GALNT15: variants seen among roughly 807,000 people sequenced by gnomAD.
GALNT15 encodes polypeptide N-acetylgalactosaminyltransferase 15.
GALNT15 carries 67 observed loss-of-function variants against 66.8 expected under a neutral mutation model. That is an observed-to-expected ratio of 1.00 (90% CI 0.82 to 1.23). The LOEUF (loss-of-function observed/expected upper bound fraction) is 1.23, where lower values mean the gene tolerates loss of function less well. GALNT15 is among the 50% of genes most tolerant of loss of function. The pLI is 0.00. For missense variants in GALNT15, 827 were observed against 804.3 expected (o/e 1.03, Z -0.34); for synonymous variants, 313 against 311.5 (o/e 1.00, Z -0.05).
At chr3:16,201,391 C>G (rs1335164395) in intron 3 of GALNT15, among the ~76,000 whole-genome samples, 1 of 150,710 alleles carries the variant, frequency 6.6e-6, no homozygotes, top group Admixed American at 6.6e-5. Flanking sequence ...CCGTGTTAGC[C>G]AGGATGGTCT....
Position 16,227,288 on chromosome 3 carries a change from A to T in GALNT15, c.1774-66A>T. Reference sequence around the variant, plus strand: ...TTAATGATTAGCACAAATCTTAAAAATATTTTCTTTTGCTGACTGATTGTG... The same window carrying T: ...TTAATGATTAGCACAAATCTTAAAATTATTTTCTTTTGCTGACTGATTGTG... On this transcript the variant is annotated intron_variant, in intron 9 of 9. Transcript: ENST00000339732. This position sits in a 1 kb window ranked among gnomAD's most constrained non-coding sequence, Gnocchi z 4.5. The T allele has an allele frequency of 6.6e-7, 1 of 1,524,104 alleles. No individual in the cohort carries two copies. Among genetic ancestry groups the T allele is most frequent in the Non-Finnish European group, 8.9e-7 (1 of 1,125,514 alleles). The allele number at this position is 1,524,104 out of a possible 1,614,324, so 94.4% of individuals were successfully genotyped here.
At chr3:16,190,008 A>G (rs368772877) in intron 1 of GALNT15, among the ~76,000 whole-genome samples, 35 of 152,338 alleles carry the variant, frequency 2.3e-4, no homozygotes, top group African/African-American at 8.4e-4. Flanking sequence ...CCTTTTATCC[A>G]CTTGATAAAA....
downstream of GALNT15, among the ~76,000 whole-genome samples, chr3:16,232,437 C>A (rs1441556772): frequency 1.5e-5 from 2 of 129,316 alleles, no homozygotes; most frequent in East Asian, 4.4e-4. Context: ...TAGCCAGTCT[C>A]ATAGCCTGGC....
At chr3:16,213,086 G>T (rs1021216663) in intron 6 of GALNT15, among the ~76,000 whole-genome samples, 2 of 152,100 alleles carry the variant, frequency 1.3e-5, no homozygotes, top group African/African-American at 4.8e-5. Flanking sequence ...TCCAAGGCCA[G>T]GTCTCCTTTC....
At chr3:16,248,158 A>G in the GALNT15 span, among the ~76,000 whole-genome samples, 4 of 152,350 alleles carry the variant, frequency 2.6e-5, no homozygotes, top group African/African-American at 9.6e-5. The surrounding 1 kb of genome is among the most constrained non-coding windows in gnomAD (Gnocchi z 4.9). Context: ...AAACACATGA[A>G]AAGTTATTCT....
chr3:16,188,060 G>A lies in GALNT15; in HGVS notation c.540-7700G>A, dbSNP rs1347694922. On this transcript the variant is annotated intron_variant, in intron 1 of 9. Coordinates refer to ENST00000339732, the MANE Select transcript of GALNT15 (RefSeq NM_054110.5). This position sits in a 1 kb window ranked among gnomAD's most constrained non-coding sequence, Gnocchi z 4.6. ...CCCTTATCTCCATTCCCTCAAGGGG[G>A]ATTCAGAGGTCTGAGCCTGATGGAA... Among the ~76,000 whole-genome samples, 1 of 152,248 alleles carries A rather than the reference G, an allele frequency of 6.6e-6. No individual in the cohort carries two copies. The highest frequency in any genetic ancestry group is 1.5e-5 in the Non-Finnish European group (1 of 68,046).
downstream of GALNT15, chr3:16,231,892 C>T: frequency 6.5e-7 from 1 of 1,535,862 alleles, no homozygotes; most frequent in Non-Finnish European, 8.7e-7. This position sits in a 1 kb window ranked among gnomAD's most constrained non-coding sequence, Gnocchi z 4.1. Flanking sequence ...TTGCTTCATT[C>T]AGAGATCCTC....
At chr3:16,212,885 C>A in intron 6 of GALNT15, 122 bp downstream of exon 6, 1 of 805,986 alleles carries the variant, frequency 1.2e-6, no homozygotes, top group Non-Finnish European at 1.9e-6. Flanking sequence ...TTGAGCTTCC[C>A]TCATGCTGCC....
intron 9 of GALNT15, among the ~76,000 whole-genome samples, chr3:16,223,561 G>A (rs1473789548): frequency 6.6e-6 from 1 of 152,194 alleles, no homozygotes; most frequent in Non-Finnish European, 1.5e-5. Flanking sequence ...AAAGCAGGCT[G>A]TGAAAGAAGA....
chr3:16,211,351 G>C lies in GALNT15; in HGVS notation c.1197+110G>C. ...TCACTGGGAAGGAATGAGGCTGTGGGAAAATTATAAAGTCATTCCTGTGTT... is the reference window on the plus strand; with the variant it reads ...TCACTGGGAAGGAATGAGGCTGTGGCAAAATTATAAAGTCATTCCTGTGTT... On this transcript the variant is annotated intron_variant, in intron 5 of 9. Transcript: ENST00000339732. This position sits in a 1 kb window ranked among gnomAD's most constrained non-coding sequence, Gnocchi z 4.3. The C allele has an allele frequency of 2.8e-6, 2 of 720,844 alleles. No individual in the cohort carries two copies. Among genetic ancestry groups the C allele is most frequent in the Non-Finnish European group, 4.9e-6 (2 of 406,442 alleles). The allele number at this position is 720,844 out of a possible 1,614,324, so 44.7% of individuals were successfully genotyped here.
intron 8 of GALNT15, among the ~76,000 whole-genome samples, chr3:16,221,539 CT>C (rs1472339181): frequency 1.3e-5 from 2 of 152,072 alleles, no homozygotes; most frequent in Non-Finnish European, 2.9e-5. Context: ...CAGCTGTTGG[CT>C]GCATGCAAGG....
chr3:16,204,938 C>T lies in GALNT15; in HGVS notation c.912-3565C>T, dbSNP rs763234824. ...GTGAGAGTCTGAGTGTGGGGGGGAG[C>T]GAGCATGTGCGTGCGTGTGTGTGTG... is the stretch of plus-strand genomic sequence containing the variant. On this transcript the variant is annotated intron_variant, in intron 3 of 9. Coordinates refer to ENST00000339732, the MANE Select transcript of GALNT15 (RefSeq NM_054110.5). The surrounding 1 kb of genome is among the most constrained non-coding windows in gnomAD (Gnocchi z 4.5). Among the ~76,000 whole-genome samples, 21 of 152,052 alleles carry T rather than the reference C, an allele frequency of 1.4e-4. No homozygotes were observed. The highest frequency in any genetic ancestry group is 6.5e-5 in the Admixed American group (1 of 15,274).
chr3:16,226,550 G>A (rs1211792647), intron 9 of GALNT15, among the ~76,000 whole-genome samples: 1 of 152,192 alleles, frequency 6.6e-6, no homozygotes, highest in Admixed American at 6.5e-5. Context: ...AGAGAGCGAA[G>A]GAGGAGGTGC....
intron 3 of GALNT15, among the ~76,000 whole-genome samples, chr3:16,205,938 A>G (rs2063751785): frequency 6.6e-6 from 1 of 152,218 alleles, no homozygotes; most frequent in African/African-American, 2.4e-5. Flanking sequence ...AAAAGAGGGT[A>G]TTGGGAATCA....
At chr3:16,202,143 A>G (rs2063710482) in intron 3 of GALNT15, among the ~76,000 whole-genome samples, 1 of 152,268 alleles carries the variant, frequency 6.6e-6, no homozygotes, top group Admixed American at 6.5e-5. Context: ...GATGGTTTCA[A>G]ACGTTCAAAT....
rs535373083 is a variant in GALNT15, at chr3:16,175,834, C to T, written c.539+144C>T. On this transcript the variant is annotated intron_variant, in intron 1 of 9. Coordinates refer to ENST00000339732, the MANE Select transcript of GALNT15 (RefSeq NM_054110.5). This position sits in a 1 kb window ranked among gnomAD's most constrained non-coding sequence, Gnocchi z 5.6. The stretch of plus-strand genomic sequence containing the variant: ...GATGCAGTACCTGGGCCAGCAGCGT[C>T]AGCAGCCCCTGGGCACTGGTGGGTT... 55 of 721,974 alleles carry T rather than the reference C, an allele frequency of 7.6e-5. No homozygotes were observed. The South Asian group carries it at 1.1e-3, about 15-fold the overall frequency. The allele number at this position is 721,974 out of a possible 1,614,324, so 44.7% of individuals were successfully genotyped here.
rs1428658746 is a variant in GALNT15, at chr3:16,227,195, T to C, written c.1774-159T>C. Among the ~76,000 whole-genome samples the C allele has an allele frequency of 6.6e-6, 1 of 152,232 alleles. No homozygotes were observed. Among genetic ancestry groups the C allele is most frequent in the Non-Finnish European group, 1.5e-5 (1 of 68,038 alleles). ...ACATCCAAATTTTAGGGCTACCTAATTTATATTTTATGTTGATCAAAATAC... is the reference window on the plus strand; with the variant it reads ...ACATCCAAATTTTAGGGCTACCTAACTTATATTTTATGTTGATCAAAATAC... On this transcript the variant is annotated intron_variant, in intron 9 of 9. Coordinates refer to ENST00000339732, the MANE Select transcript of GALNT15 (RefSeq NM_054110.5). The surrounding 1 kb of genome is among the most constrained non-coding windows in gnomAD (Gnocchi z 4.5).
the GALNT15 span, among the ~76,000 whole-genome samples, chr3:16,246,722 T>C: frequency 2.0e-5 from 3 of 152,216 alleles, no homozygotes; most frequent in African/African-American, 7.2e-5. Context: ...TCTGCATATA[T>C]AGGAATACTC....
downstream of GALNT15, among the ~76,000 whole-genome samples, chr3:16,232,922 A>G (rs955393667): frequency 1.4e-4 from 21 of 151,670 alleles, no homozygotes; most frequent in African/African-American, 4.6e-4. Flanking sequence ...GCCAGAGACC[A>G]CTGTCTGAGT....
Sources: gnomAD v4.1 joint callset for allele counts (sites outside exome capture counted in the v4.1 genomes callset) on GRCh38, gnomAD v4.1.1 for gene constraint, Gnocchi (gnomAD v3.1) non-coding constraint, MANE v1.5 for transcripts, NCBI Gene and HGNC (gene_info 2026-07-23, HGNC 2026-07-21) for gene names.